Variants in PRKCA observed in about 807,000 individuals in gnomAD.
PRKCA encodes the protein protein kinase C alpha type.
PRKCA carries 27 observed loss-of-function variants against 87.0 expected under a neutral mutation model. The observed-to-expected ratio is 0.31, with a 90% CI of 0.23 to 0.43. The LOEUF (loss-of-function observed/expected upper bound fraction) is 0.43. Ranked by LOEUF, PRKCA falls within the 20% of genes least tolerant of loss-of-function variation. The pLI is 1.00. For missense variants in PRKCA, 518 were observed against 852.3 expected, an observed-to-expected ratio of 0.61 and a Z score of 4.88; for synonymous variants, 329 against 311.1, an observed-to-expected ratio of 1.06 and a Z score of -0.61.
chr17:66,765,420 A>ATCTATATC (rs1229163447), intron 13 of PRKCA, among the ~76,000 whole-genome samples: 3,279 of 107,692 alleles, frequency 0.03, 121 homozygotes, highest in Middle Eastern at 0.092. Context: ...GACTTTGTCT[A>ATCTATATC]TATATATATA....
At position 66,707,823 on chromosome 17, in the gene PRKCA, A is replaced by G. The variant is rs185029481; in HGVS notation, c.918+18776A>G. On this transcript the variant is annotated intron_variant, in intron 8 of 16. Coordinates refer to ENST00000413366, the MANE Select transcript of PRKCA (RefSeq NM_002737.3). ...GTCTCCTAAACAGTAGCTAGCCTAG[A>G]TCAGCGGGAGTCTGACCCAGGCCAC... Among the ~76,000 whole-genome samples, 161 of 152,266 alleles carry G rather than the reference A, an allele frequency of 1.1e-3. 1 individual carries two copies. The highest frequency in any genetic ancestry group is 3.6e-3 in the African/African-American group (150 of 41,550).
intron 2 of PRKCA, among the ~76,000 whole-genome samples, chr17:66,455,262 G>A (rs1204046303): frequency 1.3e-5 from 2 of 152,144 alleles, no homozygotes; most frequent in Non-Finnish European, 2.9e-5. Flanking sequence ...GGCAAGAAAA[G>A]TTCATTAATT....
At chr17:66,399,088 T>TTCTTG (rs1469494559) in intron 2 of PRKCA, among the ~76,000 whole-genome samples, 121 of 118,104 alleles carry the variant, frequency 1.0e-3, no homozygotes, top group African/African-American at 4.4e-3. Flanking sequence ...GCATTTTCTT[T>TTCTTG]TCTTTTCTTT....
intron 2 of PRKCA, among the ~76,000 whole-genome samples, chr17:66,353,694 C>T (rs764448491): frequency 7.9e-5 from 12 of 152,090 alleles, no homozygotes; most frequent in Non-Finnish European, 1.3e-4. Flanking sequence ...CCAGCCTGGG[C>T]GACAGAGCAA....
intron 3 of PRKCA, among the ~76,000 whole-genome samples, chr17:66,626,362 AT>A (rs36045417): frequency 0.34 from 41,979 of 124,246 alleles, 6,326 homozygotes; most frequent in Middle Eastern, 0.43. Flanking sequence ...TAGTTTTTGT[AT>A]TTTTTTTTTT....
At chr17:66,587,893 G>GTATATATATA (rs1315328922) in intron 3 of PRKCA, among the ~76,000 whole-genome samples, 18 of 51,632 alleles carry the variant, frequency 3.5e-4, no homozygotes, top group Admixed American at 1.3e-3. Flanking sequence ...GTGTGTGTGT[G>GTATATATATA]TGTATATATA....
chr17:66,304,393 T>C (rs1904686873), intron 1 of PRKCA, among the ~76,000 whole-genome samples: 1 of 152,222 alleles, frequency 6.6e-6, no homozygotes. Flanking sequence ...TTGGTTTTTC[T>C]TTTAAGTTGC....
At chr17:66,696,423 G>A (rs1041193452) in intron 8 of PRKCA, 1 of 152,150 alleles carries the variant, frequency 6.6e-6, no homozygotes, top group African/African-American at 2.4e-5. Flanking sequence ...CCTTGTTTAC[G>A]AAGTGGAGAT....
intron 8 of PRKCA, among the ~76,000 whole-genome samples, chr17:66,709,469 C>A (rs1166308377): frequency 2.0e-5 from 3 of 151,860 alleles, no homozygotes; most frequent in Non-Finnish European, 4.4e-5. Flanking sequence ...AGCCACCACA[C>A]CTGGCTAATT....
chr17:66,782,049 G>A (rs892374823), intron 14 of PRKCA, among the ~76,000 whole-genome samples: 3 of 151,810 alleles, frequency 2.0e-5, no homozygotes, highest in Non-Finnish European at 4.4e-5. Flanking sequence ...AGGTAGCAGG[G>A]ACTACAGGCG....
At chr17:66,643,057 TAAAA>T (rs1299810424) in intron 4 of PRKCA, among the ~76,000 whole-genome samples, 1 of 151,442 alleles carries the variant, frequency 6.6e-6, no homozygotes, top group Non-Finnish European at 1.5e-5. Flanking sequence ...ACTAGAAAAA[TAAAA>T]AAAAGAAACC....
At chr17:66,413,240 A>C (rs572881955) in intron 2 of PRKCA, among the ~76,000 whole-genome samples, 2 of 152,292 alleles carry the variant, frequency 1.3e-5, no homozygotes, top group East Asian at 3.9e-4. Context: ...CACAGAACTT[A>C]GGCAAATACT....
chr17:66,500,142 G>A (rs1916666186), intron 3 of PRKCA, among the ~76,000 whole-genome samples: 2 of 152,132 alleles, frequency 1.3e-5, no homozygotes, highest in African/African-American at 2.4e-5. Context: ...CAGCAAAAAG[G>A]CACCATCCAG....
At chr17:66,579,443 C>G (rs1038885664) in intron 3 of PRKCA, among the ~76,000 whole-genome samples, 6 of 152,146 alleles carry the variant, frequency 3.9e-5, no homozygotes, top group African/African-American at 1.4e-4. Flanking sequence ...GGTCAGAGGT[C>G]ACGCTTACCA....
At position 66,807,853 on chromosome 17, in the gene PRKCA, C is replaced by G. The variant is rs1976067789; in HGVS notation, c.*3816C>G. 6.6e-6 allele frequency: 1 copy of G among 152,182 alleles called. No homozygotes were observed. The highest frequency in any genetic ancestry group is 6.6e-5 in the Admixed American group (1 of 15,262). 9.4% of individuals were successfully genotyped at this position (152,182 alleles called of 1,614,324 possible). A position where few individuals can be genotyped will look rare whatever the true frequency, so the allele number is the denominator to read the frequency against. On this transcript the variant is annotated 3_prime_UTR_variant, in exon 17 of 17. Coordinates refer to ENST00000413366, the MANE Select transcript of PRKCA (RefSeq NM_002737.3). This position sits in a 1 kb window ranked among gnomAD's most constrained non-coding sequence, Gnocchi z 4.3. ...GGCGGGGGCTGTAGTCAGGAAGGAG[C>G]CAGAGAAGAACAGGGTTTGGGTGCA...
chr17:66,668,698 T>C (rs1972099536), intron 5 of PRKCA, among the ~76,000 whole-genome samples: 1 of 152,220 alleles, frequency 6.6e-6, no homozygotes, highest in South Asian at 2.1e-4. Context: ...GGCCCATTTT[T>C]AAAACATGGG....
intron 13 of PRKCA, among the ~76,000 whole-genome samples, chr17:66,749,309 C>G (rs937723718): frequency 6.6e-6 from 1 of 150,994 alleles, no homozygotes; most frequent in Non-Finnish European, 1.5e-5. Flanking sequence ...CTCCGGAGCT[C>G]TCTAGACCCA....
intron 3 of PRKCA, among the ~76,000 whole-genome samples, chr17:66,618,819 A>G (rs1970588375): frequency 2.0e-5 from 3 of 152,196 alleles, no homozygotes; most frequent in African/African-American, 7.2e-5. Flanking sequence ...TGCTAAGGCA[A>G]CTGTGTCCCA....
In PRKCA at chr17:66,805,345, A is replaced by C. The variant is rs1976007633; in HGVS notation, c.*1308A>C. ...CTATATTATTGATATAATCGTATCA[A>C]GTATAAAGAGAGTATTATAATAATT... is the stretch of plus-strand genomic sequence containing the variant. On this transcript the variant is annotated 3_prime_UTR_variant, in exon 17 of 17. Coordinates refer to ENST00000413366, the MANE Select transcript of PRKCA (RefSeq NM_002737.3). 6.2e-6 allele frequency: 1 copy of C among 160,332 alleles called. No individual in the cohort carries two copies. The allele number at this position is 160,332 out of a possible 1,614,324, so 9.9% of individuals were successfully genotyped here.
Sources: gnomAD v4.1 joint callset for allele counts (sites outside exome capture counted in the v4.1 genomes callset) on GRCh38, gnomAD v4.1.1 for gene constraint, Gnocchi (gnomAD v3.1) non-coding constraint, MANE v1.5 for transcripts, NCBI Gene and HGNC (gene_info 2026-07-23, HGNC 2026-07-21) for gene names.